The following CFAP47 variants were observed in gnomAD, a reference collection of about 807,000 sequenced individuals.
The protein encoded by CFAP47 is cilia- and flagella-associated protein 47.
A neutral mutation model predicts 148.1 loss-of-function variants in CFAP47; 29 were observed. The ratio of observed to expected loss-of-function variants is 0.20; its 90% CI spans 0.15 to 0.27. CFAP47 has a LOEUF of 0.27. CFAP47 is among the 10% of genes least tolerant of loss of function. The pLI, the probability that CFAP47 is intolerant of heterozygous loss-of-function variation, is 1.00. For synonymous variants in CFAP47, 664 were observed against 577.3 expected, an observed-to-expected ratio of 1.15 and a Z score of -2.15; for missense variants, 1,872 against 1,697.5, an observed-to-expected ratio of 1.10 and a Z score of -1.81.
chrX:36,039,712 A>AT (rs1164934315), intron 25 of CFAP47, among the ~76,000 whole-genome samples: 1 of 111,179 alleles, frequency 9.0e-6, no homozygotes, highest in Non-Finnish European at 1.9e-5. Flanking sequence ...CTAAAGCATC[A>AT]TTTTTTTGCC....
intron 51 of CFAP47, among the ~76,000 whole-genome samples, chrX:36,290,159 C>A (rs1247257951): frequency 1.1e-4 from 12 of 111,174 alleles, no homozygotes; most frequent in African/African-American, 3.9e-4. Flanking sequence ...AGGCTGATTC[C>A]TTTTCTAGTT....
At chrX:36,073,734 A>G (rs922281604) in intron 29 of CFAP47, among the ~76,000 whole-genome samples, 2 of 111,263 alleles carry the variant, frequency 1.8e-5, no homozygotes, top group Admixed American at 1.9e-4. Flanking sequence ...GGTATTAATG[A>G]ACAAGGAGGG....
rs773443104 is a variant in CFAP47, at chrX:35,923,906, C to CATGTGTATATATGTACATATAT, written c.250-2092_250-2071dup. ...GTACATATATATGTGTATATATGTA[C>CATGTGTATATATGTACATATAT]ATGTGTATATATGTACATATATATG... On this transcript the variant is annotated intron_variant, in intron 1 of 63. Transcript: ENST00000378653. Among the ~76,000 whole-genome samples, 130 of 60,196 alleles carry CATGTGTATATATGTACATATAT rather than the reference C, an allele frequency of 2.2e-3. 3 individuals are homozygous for CATGTGTATATATGTACATATAT. The highest frequency in any genetic ancestry group is 0.013 in the East Asian group (26 of 2,028). 52.3% of individuals were successfully genotyped at this position (60,196 alleles called of 115,157 possible). A position where few individuals can be genotyped will look rare whatever the true frequency, so the allele number is the denominator to read the frequency against.
At chrX:36,211,592 T>A in intron 45 of CFAP47, 1 of 267,546 alleles carries the variant, frequency 3.7e-6, no homozygotes, top group East Asian at 1.1e-4. Flanking sequence ...AGGATATTGC[T>A]GCATATCAAG....
Position 35,970,826 on chromosome X carries a change from A to G in CFAP47, c.1873A>G (p.Thr625Ala), listed in dbSNP as rs779404151. ...NYVNHDFAYT[T>A]FEKQQKKLHE... ...TGTGAATCATGATTTTGCATATACT[A>G]CATTTGAAAAACAGCAAAAGAAATT... The change falls in exon 11 of 64, where the codon ACA becomes GCA. Residue 625 changes from threonine to alanine, a missense_variant. Physicochemically the swap from Thr to Ala is moderately conservative, Grantham distance 58. Transcript: ENST00000378653. 5.0e-6 allele frequency: 6 copies of G among 1,188,295 alleles called. No individual in the cohort carries two copies. The highest frequency in any genetic ancestry group is 2.3e-5 in the Admixed American group (1 of 43,284).
intron 60 of CFAP47, among the ~76,000 whole-genome samples, chrX:36,359,808 T>G (rs1447202545): frequency 9.0e-6 from 1 of 111,477 alleles, no homozygotes; most frequent in Non-Finnish European, 1.9e-5. Flanking sequence ...TGGAGTGTGA[T>G]GGCACAATCT....
chrX:35,991,426 T>A (rs1936788035), intron 16 of CFAP47, among the ~76,000 whole-genome samples: 1 of 110,588 alleles, frequency 9.0e-6, no homozygotes, highest in African/African-American at 3.3e-5. Flanking sequence ...ATATTTTACC[T>A]AAAAATATCT....
chrX:36,097,551 C>T (rs777484269), intron 30 of CFAP47, among the ~76,000 whole-genome samples: 2 of 110,686 alleles, frequency 1.8e-5, no homozygotes, highest in East Asian at 5.6e-4. Flanking sequence ...TTTTCTTCAG[C>T]ACTTTAAATA....
At chrX:36,331,189 C>T (rs1043212171) in intron 57 of CFAP47, among the ~76,000 whole-genome samples, 14 of 111,742 alleles carry the variant, frequency 1.3e-4, no homozygotes, top group African/African-American at 3.6e-4. Context: ...CTTTATCTTA[C>T]GTTCTCTCTC....
intron 51 of CFAP47, among the ~76,000 whole-genome samples, chrX:36,289,300 G>A (rs782316974): frequency 1.8e-5 from 2 of 110,470 alleles, no homozygotes; most frequent in South Asian, 7.7e-4. Context: ...CACCGCACCC[G>A]GGCCTCTTTC....
intron 29 of CFAP47, among the ~76,000 whole-genome samples, chrX:36,079,899 CA>C (rs1264961170): frequency 8.9e-6 from 1 of 111,798 alleles, no homozygotes; most frequent in African/African-American, 3.3e-5. Context: ...ACACCAAAAG[CA>C]ATGGCAACAA....
At chrX:36,082,623 T>C (rs1377396711) in intron 29 of CFAP47, among the ~76,000 whole-genome samples, 2 of 111,279 alleles carry the variant, frequency 1.8e-5, no homozygotes, top group Non-Finnish European at 3.8e-5. Flanking sequence ...CACTCTAGCA[T>C]GAAGCTTCCT....
chrX:36,073,057 C>A, intron 28 of CFAP47, 82 bp from the exon 29 acceptor site: 1 of 626,451 alleles, frequency 1.6e-6, no homozygotes. Context: ...TTCTATTAGT[C>A]TGCATACAAA....
intron 35 of CFAP47, 158 bp from the exon 36 acceptor site, chrX:36,145,061 T>TCA (rs1447877382): frequency 1.1e-5 from 4 of 366,468 alleles, no homozygotes; most frequent in Non-Finnish European, 1.9e-5. Flanking sequence ...AAATTCCCGT[T>TCA]TATATATATA....
intron 33 of CFAP47, among the ~76,000 whole-genome samples, chrX:36,108,247 C>A (rs888838837): frequency 3.6e-5 from 4 of 111,212 alleles, no homozygotes; most frequent in Non-Finnish European, 5.7e-5. Context: ...TGCTCCAAAC[C>A]TCCACATTTT....
intron 56 of CFAP47, among the ~76,000 whole-genome samples, chrX:36,315,210 T>C (rs1941424077): frequency 8.9e-6 from 1 of 112,289 alleles, no homozygotes; most frequent in African/African-American, 3.2e-5. Context: ...CATCTTAAAA[T>C]AGTCCGATGC....
chrX:36,228,806 T>A lies in CFAP47; in HGVS notation c.6996T>A (p.Leu2332=). ...TTGAAACACCAGCATTTGAAGCCCT[T>A]ACTCAGAATATTCCAATAGTATGTA... The part of the protein sequence containing the change: ...FEFETPAFEA[L]TQNIPIKNQT... The change falls in exon 46 of 64, where the codon CTT becomes CTA. Residue 2332 remains leucine, a synonymous_variant. Coordinates refer to ENST00000378653, the MANE Select transcript of CFAP47 (RefSeq NM_001304548.2). The A allele has an allele frequency of 1.9e-6, 1 of 523,967 alleles. No individual in the cohort carries two copies. Among genetic ancestry groups the A allele is most frequent in the Non-Finnish European group, 3.5e-6 (1 of 285,824 alleles). 43.2% of individuals were successfully genotyped at this position (523,967 alleles called of 1,213,427 possible).
chrX:36,199,509 G>C, intron 42 of CFAP47, among the ~76,000 whole-genome samples: 1 of 111,949 alleles, frequency 8.9e-6, no homozygotes, highest in Non-Finnish European at 1.9e-5. Context: ...CAAGGTTCAG[G>C]ATGGCTGCAA....
intron 48 of CFAP47, among the ~76,000 whole-genome samples, chrX:36,247,154 CCAAA>C (rs1286657795): frequency 2.7e-5 from 3 of 111,533 alleles, no homozygotes; most frequent in African/African-American, 9.8e-5. Context: ...GTCTAGAATT[CCAAA>C]CAAAGTAATG....
Sources: gnomAD v4.1 joint callset for allele counts (sites outside exome capture counted in the v4.1 genomes callset) on GRCh38, gnomAD v4.1.1 for gene constraint, MANE v1.5 for transcripts, NCBI Gene and HGNC (gene_info 2026-07-23, HGNC 2026-07-21) for gene names.